The following PTK2 variants were observed in gnomAD, a reference collection of about 807,000 sequenced individuals.
PTK2 encodes protein tyrosine kinase 2, also known as focal adhesion kinase 1.
PTK2 carries 45 observed loss-of-function variants against 150.1 expected under a neutral mutation model. The observed-to-expected ratio is 0.30, with a 90% confidence interval of 0.24 to 0.38. The LOEUF is 0.38. Among genes scored for constraint, PTK2 ranks in the 10% least tolerant of loss-of-function variants. The pLI, the probability that PTK2 is intolerant of heterozygous loss-of-function variation, is 1.00. For synonymous variants in PTK2, 432 were observed against 449.2 expected (o/e 0.96, Z 0.48); for missense variants, 919 against 1,307.3 (o/e 0.70, Z 4.58).
intron 26 of PTK2, among the ~76,000 whole-genome samples, chr8:140,697,136 G>GAA (rs1564577826): frequency 0.28 from 11,898 of 43,248 alleles, 2,203 homozygotes; most frequent in Non-Finnish European, 0.37. Flanking sequence ...CCTGTTTCCG[G>GAA]GAAAAAAAAA....
At chr8:140,793,271 T>C in intron 13 of PTK2, 83 bp downstream of exon 13, 1 of 1,456,174 alleles carries the variant, frequency 6.9e-7, no homozygotes, top group Non-Finnish European at 9.4e-7. Flanking sequence ...TTAATTTTTT[T>C]AGGAAAATGA....
intron 29 of PTK2, 71 bp from the exon 34 acceptor site, chr8:140,668,495 A>G: frequency 6.6e-7 from 1 of 1,505,518 alleles, no homozygotes; most frequent in Non-Finnish European, 9.0e-7. Context: ...ATCAAGCTAG[A>G]GAGGGTCTTT....
At chr8:140,723,957 T>C (rs1326665644) in intron 22 of PTK2, among the ~76,000 whole-genome samples, 1 of 152,210 alleles carries the variant, frequency 6.6e-6, no homozygotes, top group African/African-American at 2.4e-5. Context: ...TTTTCTTCTT[T>C]TGGCCTGCAA....
At chr8:140,879,269 A>G in intron 4 of PTK2, 2 of 479,852 alleles carry the variant, frequency 4.2e-6, no homozygotes, top group Admixed American at 4.0e-5. Flanking sequence ...GATGGCTCAA[A>G]GTATAATTAA....
At chr8:140,740,710 C>T (rs1435621877) in intron 20 of PTK2, among the ~76,000 whole-genome samples, 1 of 152,144 alleles carries the variant, frequency 6.6e-6, no homozygotes, top group Non-Finnish European at 1.5e-5. Context: ...GGACTTGGGA[C>T]AGTTAAGATT....
Position 140,849,305 on chromosome 8 carries a change from T to G in PTK2, c.451-2627A>C, listed in dbSNP as rs1052056799. ...CAGAGAGAAAGCAAACTCTATTCAGTGTCTCAATGCTCCCTGTCATCTAGG... is the reference window on the plus strand; with the variant it reads ...CAGAGAGAAAGCAAACTCTATTCAGGGTCTCAATGCTCCCTGTCATCTAGG... On this transcript the variant is annotated intron_variant, in intron 5 of 31. Transcript: ENST00000522684. Among the ~76,000 whole-genome samples, 5 of 152,322 alleles carry G rather than the reference T, an allele frequency of 3.3e-5. No individual in the cohort carries two copies. In the South Asian group the frequency reaches 1.0e-3, roughly 32 times the overall value.
At chr8:140,700,378 C>T (rs1391750720) in intron 26 of PTK2, among the ~76,000 whole-genome samples, 2 of 151,888 alleles carry the variant, frequency 1.3e-5, no homozygotes, top group Non-Finnish European at 2.9e-5. Context: ...TGCTGTGTTG[C>T]CCAGGCTGGT....
At chr8:140,953,555 C>G (rs1587048381) in intron 1 of PTK2, among the ~76,000 whole-genome samples, 1 of 152,194 alleles carries the variant, frequency 6.6e-6, no homozygotes, top group Non-Finnish European at 1.5e-5. Context: ...CGGGACAGAT[C>G]AGGGTGCATG....
chr8:140,750,048 G>A (rs1018340430), intron 17 of PTK2, among the ~76,000 whole-genome samples: 4 of 152,228 alleles, frequency 2.6e-5, no homozygotes, highest in African/African-American at 7.2e-5. Flanking sequence ...GATGATGACT[G>A]ATGTGGTCTG....
intron 20 of PTK2, among the ~76,000 whole-genome samples, chr8:140,741,738 A>T (rs894697203): frequency 6.6e-6 from 1 of 152,216 alleles, no homozygotes; most frequent in Non-Finnish European, 1.5e-5. Context: ...ATATGAAAAC[A>T]TTATTCAGTA....
chr8:140,888,564 T>C (rs572048157), intron 3 of PTK2, among the ~76,000 whole-genome samples: 24 of 152,362 alleles, frequency 1.6e-4, no homozygotes, highest in African/African-American at 4.8e-4. Context: ...TGATAACTTA[T>C]ACATTTGTAT....
chr8:140,967,664 T>C (rs2100185783), intron 1 of PTK2, among the ~76,000 whole-genome samples: 1 of 152,086 alleles, frequency 6.6e-6, no homozygotes, highest in African/African-American at 2.4e-5. Context: ...TTCACCATGT[T>C]GGCCAGGCTG....
chr8:140,858,252 A>ATGTTAGCT (rs1410312113), intron 5 of PTK2, among the ~76,000 whole-genome samples: 4 of 152,064 alleles, frequency 2.6e-5, no homozygotes, highest in African/African-American at 4.8e-5. Flanking sequence ...GCTAACACAT[A>ATGTTAGCT]TGGAGAGACT....
chr8:140,721,146 A>C (rs770877737), intron 22 of PTK2, among the ~76,000 whole-genome samples: 22 of 152,154 alleles, frequency 1.4e-4, no homozygotes, highest in Middle Eastern at 3.4e-3. Flanking sequence ...TGCGTTCCAG[A>C]GTAACTGGGA....
At chr8:140,890,324 T>C (rs1018914186) in intron 3 of PTK2, 11 of 452,038 alleles carry the variant, frequency 2.4e-5, no homozygotes. Context: ...ATGACTAAAA[T>C]ATGATTCAGT....
chr8:140,957,861 ACT>A (rs1236547123), intron 1 of PTK2, among the ~76,000 whole-genome samples: 4 of 152,138 alleles, frequency 2.6e-5, no homozygotes, highest in Admixed American at 1.3e-4. Context: ...TGCTGAGTAC[ACT>A]CTATGACATT....
intron 2 of PTK2, among the ~76,000 whole-genome samples, chr8:140,924,168 A>C (rs2100168583): frequency 6.6e-6 from 1 of 152,042 alleles, no homozygotes; most frequent in South Asian, 2.1e-4. Context: ...GGGACTCTGC[A>C]CTGCCTGTCC....
intron 29 of PTK2, chr8:140,669,340 T>TATAC (rs1377363515): frequency 4.5e-5 from 6 of 132,842 alleles, no homozygotes; most frequent in East Asian, 2.3e-4. Context: ...TATATATATA[T>TATAC]ACACTTTTTA....
intron 8 of PTK2, among the ~76,000 whole-genome samples, chr8:140,824,430 C>T (rs967099144): frequency 1.3e-5 from 2 of 152,140 alleles, no homozygotes; most frequent in African/African-American, 2.4e-5. Flanking sequence ...TAAAGGAAAA[C>T]GATATCATTC....
Sources: allele counts gnomAD v4.1 joint callset (sites outside exome capture counted in the v4.1 genomes callset), GRCh38; gene constraint gnomAD v4.1.1; transcripts MANE v1.5; gene names NCBI Gene and HGNC (gene_info 2026-07-23, HGNC 2026-07-21).